PDE10A: variants seen among roughly 807,000 people sequenced by gnomAD.
PDE10A encodes phosphodiesterase 10A.
PDE10A carries 39 observed loss-of-function variants against 97.7 expected under a neutral mutation model. The ratio of observed to expected loss-of-function variants is 0.40; its 90% CI spans 0.31 to 0.52. The LOEUF (loss-of-function observed/expected upper bound fraction) is 0.52, where lower values mean the gene tolerates loss of function less well. Ranked by LOEUF, PDE10A falls within the 20% of genes least tolerant of loss-of-function variation. The pLI is 0.56. For missense variants in PDE10A, 731 were observed against 1,047.8 expected (o/e 0.70, Z 4.17); for synonymous variants, 371 against 376.8 (o/e 0.98, Z 0.18).
chr6:165,648,880 C>T (rs1789539090), intron 1 of PDE10A, among the ~76,000 whole-genome samples: 1 of 152,020 alleles, frequency 6.6e-6, no homozygotes, highest in Non-Finnish European at 1.5e-5. Context: ...TTGCAAAGCC[C>T]CTGAAGGATT....
intron 1 of PDE10A, among the ~76,000 whole-genome samples, chr6:165,615,185 G>A (rs1181817765): frequency 2.7e-5 from 4 of 148,768 alleles, no homozygotes; most frequent in African/African-American, 9.9e-5. Flanking sequence ...ACTCCAGCCT[G>A]GGTGACAGAG....
At chr6:165,604,321 T>C (rs558291251) in intron 1 of PDE10A, among the ~76,000 whole-genome samples, 27 of 152,182 alleles carry the variant, frequency 1.8e-4, no homozygotes, top group Non-Finnish European at 3.8e-4. Flanking sequence ...TTTCAATAAG[T>C]GAATCATTGG....
chr6:165,657,650 G>A (rs1300504364), intron 1 of PDE10A, among the ~76,000 whole-genome samples: 1 of 152,176 alleles, frequency 6.6e-6, no homozygotes, highest in Non-Finnish European at 1.5e-5. Context: ...CTAATATACT[G>A]ATTGGGATAG....
chr6:165,953,778 A>G (rs541157488), intron 1 of PDE10A, among the ~76,000 whole-genome samples: 1 of 152,216 alleles, frequency 6.6e-6, no homozygotes, highest in Admixed American at 6.5e-5. Flanking sequence ...CGTAGCTTAC[A>G]TCAGAGTTGG....
At chr6:165,922,107 TGA>T (rs1416412431) in intron 1 of PDE10A, among the ~76,000 whole-genome samples, 2 of 152,126 alleles carry the variant, frequency 1.3e-5, no homozygotes, top group Admixed American at 6.5e-5. Context: ...ATATTGCATG[TGA>T]GAGAAAGCAG....
intron 1 of PDE10A, among the ~76,000 whole-genome samples, chr6:165,544,502 G>A (rs952406626): frequency 6.6e-6 from 1 of 151,602 alleles, no homozygotes; most frequent in African/African-American, 2.4e-5. Context: ...TTCAGTGACG[G>A]GAATTATTTT....
intron 1 of PDE10A, among the ~76,000 whole-genome samples, chr6:165,574,146 A>C (rs1038302170): frequency 6.6e-6 from 1 of 152,186 alleles, no homozygotes; most frequent in Non-Finnish European, 1.5e-5. Flanking sequence ...ACTTAAGAGA[A>C]AGTGAGTCTT....
At chr6:165,818,822 A>G (rs886409324) in intron 1 of PDE10A, among the ~76,000 whole-genome samples, 5 of 152,220 alleles carry the variant, frequency 3.3e-5, no homozygotes, top group African/African-American at 1.2e-4. Flanking sequence ...AAAGTGGTAG[A>G]TAGAAGAGTA....
At chr6:165,845,228 C>T (rs963909251) in intron 1 of PDE10A, among the ~76,000 whole-genome samples, 3 of 152,084 alleles carry the variant, frequency 2.0e-5, no homozygotes, top group Admixed American at 6.6e-5. Flanking sequence ...ACCAAGCTTC[C>T]AGTGAACTCC....
intron 1 of PDE10A, among the ~76,000 whole-genome samples, chr6:165,863,883 C>T (rs1457286952): frequency 6.6e-6 from 1 of 152,052 alleles, no homozygotes; most frequent in Non-Finnish European, 1.5e-5. Flanking sequence ...CCACAAAATC[C>T]CCAACCAAGA....
rs116038892 is a variant in PDE10A at position 165,655,084 on chromosome 6, G to A, written c.865+6863C>T. Reference sequence around the variant, plus strand: ...TCATAGCACAGAATTCCAGCGGGCCGTCCGTTCGCGTGTCAAACTTCAGCC... The same window carrying A: ...TCATAGCACAGAATTCCAGCGGGCCATCCGTTCGCGTGTCAAACTTCAGCC... On this transcript the variant is annotated intron_variant, in intron 1 of 21. Coordinates refer to ENST00000539869, the MANE Select transcript of PDE10A (RefSeq NM_001385079.1). The surrounding 1 kb of genome is among the most constrained non-coding windows in gnomAD (Gnocchi z 4.5). 3.2e-3 allele frequency among the ~76,000 whole-genome samples: 484 copies of A among 152,192 alleles called. 2 individuals are homozygous for A. The highest frequency in any genetic ancestry group is 0.01 in the African/African-American group (422 of 41,502).
intron 1 of PDE10A, among the ~76,000 whole-genome samples, chr6:165,656,290 ACACAC>A (rs1354510858): frequency 3.1e-5 from 4 of 129,572 alleles, no homozygotes; most frequent in African/African-American, 8.4e-5. Context: ...ACACACACAC[ACACAC>A]ACCTTTCCAA....
At chr6:165,477,891 T>C (rs1779382884) in intron 3 of PDE10A, among the ~76,000 whole-genome samples, 1 of 152,060 alleles carries the variant, frequency 6.6e-6, no homozygotes, top group African/African-American at 2.4e-5. Flanking sequence ...TTCACTGATT[T>C]CTCCTTCTTT....
intron 1 of PDE10A, among the ~76,000 whole-genome samples, chr6:165,899,296 A>G (rs1782037686): frequency 6.6e-6 from 1 of 152,240 alleles, no homozygotes; most frequent in Non-Finnish European, 1.5e-5. Context: ...TCTGGTAGCA[A>G]GTTAAAGAAA....
At position 165,636,310 on chromosome 6, in the gene PDE10A, C is replaced by G. The variant is rs77386032; in HGVS notation, c.865+25637G>C. ...AGGAAATCCCTCCCATACACACACA[C>G]ACACACAAACACTCTTCAAAATAAA... On this transcript the variant is annotated intron_variant, in intron 1 of 21. Coordinates refer to ENST00000539869, the MANE Select transcript of PDE10A (RefSeq NM_001385079.1). 5.1e-4 allele frequency among the ~76,000 whole-genome samples: 77 copies of G among 152,302 alleles called. No homozygotes were observed. In the East Asian group the frequency reaches 0.013, roughly 26 times the overall value.
intron 6 of PDE10A, 115 bp downstream of exon 6, chr6:165,435,122 C>A: frequency 2.0e-6 from 2 of 1,014,318 alleles, no homozygotes; most frequent in Non-Finnish European, 2.9e-6. Flanking sequence ...CTGTAACTAG[C>A]TTTAATGCTT....
intron 3 of PDE10A, among the ~76,000 whole-genome samples, chr6:165,463,271 G>A (rs1431723852): frequency 1.3e-5 from 2 of 152,206 alleles, no homozygotes; most frequent in East Asian, 1.9e-4. Flanking sequence ...CATTGTAGGA[G>A]CTAAACATAA....
intron 1 of PDE10A, among the ~76,000 whole-genome samples, chr6:165,785,027 C>G (rs1318065359): frequency 6.6e-6 from 1 of 152,206 alleles, no homozygotes; most frequent in Non-Finnish European, 1.5e-5. Flanking sequence ...AAGGATAGAT[C>G]ATCATGGATT....
chr6:165,382,754 G>GATA (rs1166025215), intron 17 of PDE10A, among the ~76,000 whole-genome samples: 1 of 151,506 alleles, frequency 6.6e-6, no homozygotes, highest in African/African-American at 2.4e-5. Flanking sequence ...TGATGATGAT[G>GATA]ATGATAAAAT....
Sources: allele counts gnomAD v4.1 joint callset (sites outside exome capture counted in the v4.1 genomes callset), GRCh38; gene constraint gnomAD v4.1.1; non-coding constraint Gnocchi (gnomAD v3.1); transcripts MANE v1.5; gene names NCBI Gene and HGNC (gene_info 2026-07-23, HGNC 2026-07-21).